SNRNP200: variants seen among roughly 807,000 people sequenced by gnomAD.
The protein encoded by SNRNP200 is small nuclear ribonucleoprotein U5 subunit 200.
Under a neutral mutation model 255.2 loss-of-function variants are expected in SNRNP200, and 66 were observed. The observed-to-expected ratio is 0.26, with a 90% confidence interval of 0.21 to 0.32. SNRNP200 has a LOEUF of 0.32. SNRNP200 is among the 10% of genes least tolerant of loss of function. The pLI is 1.00. For missense variants in SNRNP200, 1,585 were observed against 2,749.8 expected (o/e 0.58, Z 9.47); for synonymous variants, 939 against 1,027.8 (o/e 0.91, Z 1.65).
intron 43 of SNRNP200, 96 bp from the exon 44 acceptor site, chr2:96,275,445 C>A (rs1011676137): frequency 2.5e-5 from 26 of 1,031,338 alleles, no homozygotes; most frequent in Non-Finnish European, 3.8e-5. Flanking sequence ...GAACAAAAAT[C>A]AGATAGCTTT....
At chr2:96,294,204 T>C (rs1256384854) in intron 14 of SNRNP200, among the ~76,000 whole-genome samples, 1 of 148,360 alleles carries the variant, frequency 6.7e-6, no homozygotes, top group Non-Finnish European at 1.5e-5. Flanking sequence ...GAGGCTGAGG[T>C]AGGTGCATCA....
intron 43 of SNRNP200, 130 bp downstream of exon 43, chr2:96,276,774 A>G (rs754694197): frequency 1.1e-6 from 1 of 920,602 alleles, no homozygotes; most frequent in Admixed American, 1.7e-5. Context: ...CTCAAGATTA[A>G]TTCTCACCCT....
chr2:96,285,888 C>G (rs1446253629), intron 29 of SNRNP200, among the ~76,000 whole-genome samples: 1 of 152,190 alleles, frequency 6.6e-6, no homozygotes, highest in Non-Finnish European at 1.5e-5. Context: ...TCCTTTTAGG[C>G]TTGATGGGAG....
In SNRNP200 at chr2:96,278,495, AC is replaced by A; in HGVS notation, c.5488+51del. The A allele has an allele frequency of 6.2e-7, 1 of 1,611,546 alleles. No homozygotes were observed. The highest frequency in any genetic ancestry group is 8.5e-7 in the Non-Finnish European group (1 of 1,179,640). On this transcript the variant is annotated intron_variant, in intron 38 of 44. Coordinates refer to ENST00000323853, the MANE Select transcript of SNRNP200 (RefSeq NM_014014.5). The surrounding 1 kb of genome is among the most constrained non-coding windows in gnomAD (Gnocchi z 6.9). ...CACCTCTCATCCCAGTGGGCTCCTGACCCGTGTAAAAAGGCTCCCACAGACA... is the reference window on the plus strand; with the variant it reads ...CACCTCTCATCCCAGTGGGCTCCTGACCGTGTAAAAAGGCTCCCACAGACA...
chr2:96,298,959 G>C lies in SNRNP200; in HGVS notation c.738C>G (p.Ala246=), dbSNP rs774936312. 4 of 1,614,048 alleles carry C rather than the reference G, an allele frequency of 2.5e-6. No homozygotes were observed. The highest frequency in any genetic ancestry group is 3.4e-6 in the Non-Finnish European group (4 of 1,180,038). Residue 246 remains alanine, a synonymous_variant, in exon 7 of 45, where the codon GCC becomes GCG. Transcript: ENST00000323853. ...VRCTLSANLV[A]SGELMSSKKK... ...TCTTGGAACTCATCAGTTCACCTGAGGCTACGAGCTATAAAAGTAACCAGG... is the reference window on the plus strand; with the variant it reads ...TCTTGGAACTCATCAGTTCACCTGACGCTACGAGCTATAAAAGTAACCAGG...
intron 43 of SNRNP200, among the ~76,000 whole-genome samples, chr2:96,275,582 G>GGTACCTTCTCCCACTTA (rs1157353290): frequency 9.2e-5 from 14 of 152,138 alleles, no homozygotes; most frequent in Admixed American, 8.5e-4. Context: ...CTTGTGCCAA[G>GGTACCTTCTCCCACTTA]GTACCTTCTC....
intron 21 of SNRNP200, 74 bp from the exon 22 acceptor site, chr2:96,289,453 C>T (rs1249353360): frequency 2.6e-6 from 4 of 1,523,850 alleles, no homozygotes; most frequent in Admixed American, 1.7e-5. Context: ...CCATAAGTTA[C>T]TGTCCTATAG....
rs565652148 is a variant in SNRNP200 at position 96,297,751 on chromosome 2, A to G, written c.1120-31T>C. 5.0e-5 allele frequency: 80 copies of G among 1,611,606 alleles called. No homozygotes were observed. The African/African-American group carries it at 1.0e-3, about 20-fold the overall frequency. On this transcript the variant is annotated intron_variant, in intron 9 of 44. Coordinates refer to ENST00000323853, the MANE Select transcript of SNRNP200 (RefSeq NM_014014.5). ...GTGGACAAAGATAAAAATCACAAAA[A>G]CAATTCATCAGTATCATAGGTTCTT...
chr2:96,297,627 T>C lies in SNRNP200; in HGVS notation c.1203+10A>G, dbSNP rs1421964607. ...TCAAGGCCTGGGAAATAAATCGCCC[T>C]GGATCCTACCTCTCCACCCTGGTCG... On this transcript the variant is annotated intron_variant, in intron 10 of 44. Transcript: ENST00000323853. 6.2e-7 allele frequency: 1 copy of C among 1,614,240 alleles called. No individual in the cohort carries two copies. Among genetic ancestry groups the C allele is most frequent in the Non-Finnish European group, 8.5e-7 (1 of 1,180,034 alleles).
Position 96,290,238 on chromosome 2 carries a change from G to A in SNRNP200, c.2742+88C>T. 7.0e-7 allele frequency: 1 copy of A among 1,425,316 alleles called. No individual in the cohort carries two copies. The highest frequency in any genetic ancestry group is 9.9e-7 in the Non-Finnish European group (1 of 1,010,138). The allele number at this position is 1,425,316 out of a possible 1,614,324, so 88.3% of individuals were successfully genotyped here. On this transcript the variant is annotated intron_variant, in intron 20 of 44. Coordinates refer to ENST00000323853, the MANE Select transcript of SNRNP200 (RefSeq NM_014014.5). This position sits in a 1 kb window ranked among gnomAD's most constrained non-coding sequence, Gnocchi z 4.5. ...GGGATGGAAGGCCTCGGACGCTGCT[G>A]GCCCGCAGCACAATAGGGACCGACC...
chr2:96,301,204 C>T, intron 4 of SNRNP200, 151 bp from the exon 5 acceptor site: 1 of 755,040 alleles, frequency 1.3e-6, no homozygotes, highest in South Asian at 1.5e-5. Context: ...CATGAGAGAG[C>T]CACCTATGCT....
rs200275054 is a variant in SNRNP200 at position 96,277,955 on chromosome 2, A to C, written c.5611-5T>G. 18 of 1,614,216 alleles carry C rather than the reference A, an allele frequency of 1.1e-5. No homozygotes were observed. Among genetic ancestry groups the C allele is most frequent in the Non-Finnish European group, 1.4e-5 (16 of 1,180,042 alleles). On this transcript the variant is annotated splice_region_variant and splice_polypyrimidine_tract_variant and intron_variant, in intron 39 of 44. Coordinates refer to ENST00000323853, the MANE Select transcript of SNRNP200 (RefSeq NM_014014.5). This position sits in a 1 kb window ranked among gnomAD's most constrained non-coding sequence, Gnocchi z 4.4. ...GTGGGGGACCTTCTGAGCCAACTAC[A>C]AAGTGGAAGAAAAATAGCTGGTGAT... is the stretch of plus-strand genomic sequence containing the variant.
chr2:96,296,433 T>C, intron 13 of SNRNP200, 103 bp downstream of exon 13: 1 of 1,144,406 alleles, frequency 8.7e-7, no homozygotes. Flanking sequence ...CCAGGAGGCA[T>C]GCCAGAGATG....
intron 43 of SNRNP200, chr2:96,276,420 A>ATT (rs34749374): frequency 1.1e-3 from 182 of 160,656 alleles, no homozygotes; most frequent in South Asian, 2.9e-3. Context: ...AGTCATCTAA[A>ATT]TTTTTTTTTT....
intron 15 of SNRNP200, 29 bp from the exon 16 acceptor site, chr2:96,293,124 G>A: frequency 1.2e-6 from 2 of 1,614,070 alleles, no homozygotes; most frequent in Non-Finnish European, 1.7e-6. Context: ...GACAAATGAG[G>A]CTTTGGCAGA....
chr2:96,282,039 G>C lies in SNRNP200; in HGVS notation c.4916-117C>G. On this transcript the variant is annotated intron_variant, in intron 34 of 44. Coordinates refer to ENST00000323853, the MANE Select transcript of SNRNP200 (RefSeq NM_014014.5). The stretch of plus-strand genomic sequence containing the variant: ...GCTATGTTTCAGAACTCACAGCAAG[G>C]CTGGCTAGGAACAAGGTCTAACATG... The C allele has an allele frequency of 4.0e-6, 3 of 755,142 alleles. No homozygotes were observed. In the South Asian group the frequency reaches 4.4e-5, roughly 11 times the overall value. 46.8% of individuals were successfully genotyped at this position (755,142 alleles called of 1,614,324 possible).
chr2:96,292,293 A>G (rs913387962), intron 16 of SNRNP200, among the ~76,000 whole-genome samples: 2 of 152,254 alleles, frequency 1.3e-5, no homozygotes, highest in Non-Finnish European at 2.9e-5. Flanking sequence ...GATTTAGGAA[A>G]TAAGTCTGAG....
In SNRNP200 at chr2:96,279,495, C is replaced by T; in HGVS notation, c.5089G>A (p.Asp1697Asn). ...MVGHANRPLQ[D>N]DEGRCVIMCQ... ...ATGATGACACAGCGCCCCTCATCGT[C>T]CTGCAAAGGGCGGTTGGCGTGGCCC... The change falls in exon 36 of 45, where the codon GAC (aspartate) becomes AAC (asparagine). Residue 1697 changes from aspartate (D) to asparagine (N), a missense_variant. By Grantham distance (23) the Asp-to-Asn change is conservative (BLOSUM62 1). Transcript: ENST00000323853. The T allele has an allele frequency of 6.2e-7, 1 of 1,614,164 alleles. No homozygotes were observed. The highest frequency in any genetic ancestry group is 8.5e-7 in the Non-Finnish European group (1 of 1,179,990).
At position 96,278,419 on chromosome 2, in the gene SNRNP200, C is replaced by T. The variant is rs372046938; in HGVS notation, c.5489-61G>A. On this transcript the variant is annotated intron_variant, in intron 38 of 44. Coordinates refer to ENST00000323853, the MANE Select transcript of SNRNP200 (RefSeq NM_014014.5). This position sits in a 1 kb window ranked among gnomAD's most constrained non-coding sequence, Gnocchi z 6.9. ...CAGGCAGAGAAGGAGCAGAACTGCC[C>T]GGGCTCCCCTGCTGTCCCCTGCAGT... The T allele has an allele frequency of 4.3e-6, 7 of 1,612,744 alleles. No homozygotes were observed. The highest frequency in any genetic ancestry group is 3.3e-4 in the Middle Eastern group (2 of 6,052).
Sources: allele counts gnomAD v4.1 joint callset (sites outside exome capture counted in the v4.1 genomes callset), GRCh38; gene constraint gnomAD v4.1.1; non-coding constraint Gnocchi (gnomAD v3.1); transcripts MANE v1.5; gene names NCBI Gene and HGNC (gene_info 2026-07-23, HGNC 2026-07-21).